Variants in SORCS1 observed in about 807,000 individuals in gnomAD.
SORCS1 encodes VPS10 domain-containing receptor SorCS1.
A neutral mutation model predicts 146.1 loss-of-function variants in SORCS1; 60 were observed. The observed-to-expected ratio is 0.41, with a 90% CI of 0.33 to 0.51. The LOEUF (loss-of-function observed/expected upper bound fraction) is 0.51. Ranked by LOEUF, SORCS1 falls within the 20% of genes least tolerant of loss-of-function variation. The probability of loss-of-function intolerance (pLI) is 0.21; values close to 1 mark genes in which losing one functional copy is unlikely to be tolerated. For synonymous variants in SORCS1, 637 were observed against 584.0 expected (o/e 1.09, Z -1.31); for missense variants, 1,352 against 1,487.6 (o/e 0.91, Z 1.50).
At chr10:107,022,774 T>C (rs576967833) in intron 1 of SORCS1, among the ~76,000 whole-genome samples, 1 of 152,170 alleles carries the variant, frequency 6.6e-6, no homozygotes, top group Non-Finnish European at 1.5e-5. Context: ...AACACAGCAG[T>C]GGTTCAGGGT....
At chr10:106,852,190 G>T (rs1424897247) in intron 2 of SORCS1, among the ~76,000 whole-genome samples, 3 of 151,854 alleles carry the variant, frequency 2.0e-5, no homozygotes, top group Non-Finnish European at 4.4e-5. Flanking sequence ...CTTGTCTTAT[G>T]GTATTAGCTA....
intron 6 of SORCS1, among the ~76,000 whole-genome samples, chr10:106,714,747 T>C (rs1044804838): frequency 1.3e-5 from 2 of 152,184 alleles, no homozygotes; most frequent in African/African-American, 4.8e-5. Flanking sequence ...AACAAATCCC[T>C]AGTCCAGCCC....
intron 25 of SORCS1, chr10:106,579,167 G>A (rs1164609293): frequency 1.2e-6 from 2 of 1,614,010 alleles, no homozygotes; most frequent in East Asian, 2.2e-5. Context: ...CATTGGGCCT[G>A]CTTTCAGAGT....
At chr10:107,099,783 T>C (rs1292211324) in intron 1 of SORCS1, among the ~76,000 whole-genome samples, 2 of 152,232 alleles carry the variant, frequency 1.3e-5, no homozygotes, top group Non-Finnish European at 2.9e-5. Context: ...ATTTGTTTTG[T>C]ATGGTTTAGT....
At chr10:107,169,575 G>A (rs7907713), upstream of SORCS1, among the ~76,000 whole-genome samples, 34,672 of 151,970 alleles carry the variant, frequency 0.23, 4,042 homozygotes, top group African/African-American at 0.27. Flanking sequence ...ACACCCGTTG[G>A]AGATAACAAA....
intron 1 of SORCS1, among the ~76,000 whole-genome samples, chr10:107,004,154 C>G (rs779518838): frequency 8.4e-6 from 1 of 118,546 alleles, no homozygotes; most frequent in Non-Finnish European, 1.6e-5. Context: ...CCAGCCTGGG[C>G]GACAGAGTGT....
chr10:106,985,497 A>G (rs932245109), intron 1 of SORCS1, among the ~76,000 whole-genome samples: 4 of 152,006 alleles, frequency 2.6e-5, no homozygotes, highest in Non-Finnish European at 5.9e-5. Context: ...TATGTTCAAG[A>G]CAACACGTGA....
In SORCS1 at chr10:106,636,882, T is replaced by C. The variant is rs1322003; in HGVS notation, c.2476-7494A>G. 4.6e-5 allele frequency among the ~76,000 whole-genome samples: 7 copies of C among 152,338 alleles called. No homozygotes were observed. The East Asian group carries it at 1.2e-3, about 25-fold the overall frequency. The stretch of plus-strand genomic sequence containing the variant: ...TTCACAGAAAACACTCAAACTACTC[T>C]GTGGTGCTCATTCCCAGATGGGTGC... On this transcript the variant is annotated intron_variant, in intron 18 of 25. Coordinates refer to ENST00000263054, the MANE Select transcript of SORCS1 (RefSeq NM_052918.5).
At chr10:107,011,398 A>G (rs1445033709) in intron 1 of SORCS1, among the ~76,000 whole-genome samples, 2 of 152,236 alleles carry the variant, frequency 1.3e-5, no homozygotes, top group African/African-American at 4.8e-5. Context: ...CTTCCACATA[A>G]AAGGGAGAAA....
At chr10:107,008,193 T>C (rs948333165) in intron 1 of SORCS1, among the ~76,000 whole-genome samples, 4 of 152,152 alleles carry the variant, frequency 2.6e-5, no homozygotes, top group African/African-American at 7.2e-5. Context: ...CATAAAATAG[T>C]AGAGTTGCCA....
intron 18 of SORCS1, among the ~76,000 whole-genome samples, chr10:106,647,367 A>G (rs956853362): frequency 1.4e-5 from 2 of 146,662 alleles, no homozygotes; most frequent in Non-Finnish European, 1.5e-5. Flanking sequence ...TGTTTGTTGT[A>G]TTTTGATGCT....
At chr10:107,002,003 A>G (rs1240271270) in intron 1 of SORCS1, among the ~76,000 whole-genome samples, 1 of 152,214 alleles carries the variant, frequency 6.6e-6, no homozygotes, top group Non-Finnish European at 1.5e-5. Context: ...CACAATTATG[A>G]TTCTGAAGGA....
chr10:106,784,041 G>C (rs927238008), intron 3 of SORCS1, among the ~76,000 whole-genome samples: 11 of 152,022 alleles, frequency 7.2e-5, no homozygotes, highest in African/African-American at 2.4e-4. Context: ...TATCATATGA[G>C]GTGACAGTGC....
the SORCS1 span, among the ~76,000 whole-genome samples, chr10:107,175,569 G>C: frequency 6.6e-6 from 1 of 152,180 alleles, no homozygotes. Context: ...CCGAGTAGCT[G>C]GGATTACAGG....
intron 2 of SORCS1, among the ~76,000 whole-genome samples, chr10:106,894,270 CGTGT>C (rs3982431): frequency 0.12 from 17,342 of 141,396 alleles, 1,025 homozygotes; most frequent in Middle Eastern, 0.18. Context: ...CGCACGTGTG[CGTGT>C]GTGTGTGTGT....
chr10:106,755,842 G>A (rs1027417983), intron 5 of SORCS1, among the ~76,000 whole-genome samples: 1 of 152,094 alleles, frequency 6.6e-6, no homozygotes, highest in South Asian at 2.1e-4. Flanking sequence ...TAAAATGTAA[G>A]CCTAGGCTGG....
At chr10:106,802,530 C>T (rs1337442213) in intron 3 of SORCS1, among the ~76,000 whole-genome samples, 1 of 150,052 alleles carries the variant, frequency 6.7e-6, no homozygotes, top group Non-Finnish European at 1.5e-5. Flanking sequence ...TGGAGTTTCA[C>T]TCTTTTTGCC....
chr10:106,996,615 C>T (rs1323000694), intron 1 of SORCS1, among the ~76,000 whole-genome samples: 1 of 152,154 alleles, frequency 6.6e-6, no homozygotes, highest in Non-Finnish European at 1.5e-5. Flanking sequence ...TGCCTTTCGT[C>T]GTACCAAAAA....
chr10:107,161,868 T>C (rs1338470173), intron 1 of SORCS1, among the ~76,000 whole-genome samples: 1 of 152,192 alleles, frequency 6.6e-6, no homozygotes. Context: ...AACACCTTTG[T>C]GTGTGATGAC....
Sources: allele counts gnomAD v4.1 joint callset (sites outside exome capture counted in the v4.1 genomes callset), GRCh38; gene constraint gnomAD v4.1.1; transcripts MANE v1.5; gene names NCBI Gene and HGNC (gene_info 2026-07-23, HGNC 2026-07-21).